The following IQCM variants were observed in gnomAD, a reference collection of about 807,000 sequenced individuals.
IQCM encodes the protein IQ motif containing M, also known as IQ domain-containing protein M.
A neutral mutation model predicts 57.6 loss-of-function variants in IQCM; 45 were observed. The observed-to-expected ratio is 0.78, with a 90% CI of 0.62 to 1.00. IQCM has a LOEUF of 1.00. Ranked by LOEUF, IQCM falls within the 50% of genes least tolerant of loss-of-function variation. The pLI is 0.00. For synonymous variants in IQCM, 148 were observed against 158.9 expected, an observed-to-expected ratio of 0.93 and a Z score of 0.51; for missense variants, 468 against 511.6, an observed-to-expected ratio of 0.91 and a Z score of 0.82.
intron 13 of IQCM, among the ~76,000 whole-genome samples, chr4:149,418,180 A>C (rs970955881): frequency 4.6e-5 from 7 of 151,590 alleles, no homozygotes; most frequent in Non-Finnish European, 8.8e-5. Flanking sequence ...TTTTTTTTTT[A>C]ATTAATAAAA....
chr4:149,660,152 C>T (rs1205899339), intron 7 of IQCM, among the ~76,000 whole-genome samples: 2 of 150,972 alleles, frequency 1.3e-5, no homozygotes, highest in Non-Finnish European at 3.0e-5. Flanking sequence ...ACAAACAACC[C>T]CATCAAAAAG....
At chr4:149,375,731 C>T (rs891858928) in intron 13 of IQCM, among the ~76,000 whole-genome samples, 1 of 151,992 alleles carries the variant, frequency 6.6e-6, no homozygotes, top group Non-Finnish European at 1.5e-5. Flanking sequence ...ATTCTTCCTC[C>T]CGGTTTATGT....
chr4:149,569,248 A>G (rs1750930639), intron 9 of IQCM, among the ~76,000 whole-genome samples: 1 of 152,212 alleles, frequency 6.6e-6, no homozygotes, highest in African/African-American at 2.4e-5. Context: ...TAACTGATGC[A>G]TATACTTAGG....
intron 5 of IQCM, among the ~76,000 whole-genome samples, chr4:149,715,470 G>A (rs984648813): frequency 6.6e-5 from 10 of 152,180 alleles, no homozygotes; most frequent in African/African-American, 1.9e-4. Flanking sequence ...GAGCCCCAAA[G>A]AGAGTGTCAC....
At chr4:149,444,928 A>G (rs1406350417) in intron 12 of IQCM, among the ~76,000 whole-genome samples, 1 of 151,946 alleles carries the variant, frequency 6.6e-6, no homozygotes, top group Non-Finnish European at 1.5e-5. Context: ...GACTACATTA[A>G]AACAAAGAAC....
At chr4:149,656,203 T>A (rs1561113641) in intron 7 of IQCM, among the ~76,000 whole-genome samples, 1 of 152,156 alleles carries the variant, frequency 6.6e-6, no homozygotes, top group Non-Finnish European at 1.5e-5. Context: ...ATGCTATCAT[T>A]ATATTAAAAA....
chr4:149,814,360 A>G lies in IQCM; in HGVS notation c.-49+951T>C, dbSNP rs74657750. Among the ~76,000 whole-genome samples the G allele has an allele frequency of 8.3e-3, 1,259 of 152,088 alleles. 24 individuals carry two copies. Among genetic ancestry groups the G allele is most frequent in the African/African-American group, 0.029 (1,198 of 41,552 alleles). ...TAACTTCCTCCCCTTGAAAACATATAATTAGTCATGCTACATTGGAATCAG... is the reference window on the plus strand; with the variant it reads ...TAACTTCCTCCCCTTGAAAACATATGATTAGTCATGCTACATTGGAATCAG... On this transcript the variant is annotated intron_variant, in intron 2 of 13. Transcript: ENST00000636793.
chr4:149,558,943 T>A (rs570904424), intron 10 of IQCM, among the ~76,000 whole-genome samples: 1 of 152,168 alleles, frequency 6.6e-6, no homozygotes, highest in Non-Finnish European at 1.5e-5. Context: ...GGACTCAGTG[T>A]TAAAACACAG....
At chr4:149,566,226 A>T (rs1750619759) in intron 9 of IQCM, among the ~76,000 whole-genome samples, 2 of 152,180 alleles carry the variant, frequency 1.3e-5, no homozygotes, top group African/African-American at 2.4e-5. Context: ...ATGAAATCTA[A>T]GAGATTCTGA....
At chr4:149,783,362 A>G (rs1385075498) in intron 2 of IQCM, among the ~76,000 whole-genome samples, 1 of 152,180 alleles carries the variant, frequency 6.6e-6, no homozygotes, top group Non-Finnish European at 1.5e-5. Flanking sequence ...CGCTCTCAAA[A>G]TTATATCTAG....
intron 12 of IQCM, among the ~76,000 whole-genome samples, chr4:149,543,317 T>C (rs1221836922): frequency 2.0e-5 from 3 of 152,096 alleles, no homozygotes; most frequent in Non-Finnish European, 1.5e-5. Flanking sequence ...ATTCAAACTA[T>C]ATGTGGAAAA....
chr4:149,425,206 T>G (rs556362112), intron 13 of IQCM, among the ~76,000 whole-genome samples: 1 of 152,036 alleles, frequency 6.6e-6, no homozygotes, highest in Non-Finnish European at 1.5e-5. Flanking sequence ...ACATTAATTA[T>G]ACAATTTTGT....
intron 2 of IQCM, among the ~76,000 whole-genome samples, chr4:149,812,903 T>G (rs567292927): frequency 2.6e-5 from 4 of 152,168 alleles, no homozygotes; most frequent in South Asian, 2.1e-4. Flanking sequence ...CATTTTACTT[T>G]GTTGTAATAG....
At chr4:149,810,553 G>A (rs1460729631) in intron 2 of IQCM, among the ~76,000 whole-genome samples, 5 of 151,644 alleles carry the variant, frequency 3.3e-5, no homozygotes, top group South Asian at 2.1e-4. Context: ...AGGTTCAAGC[G>A]ATTCTCCTGC....
rs868401122 is a variant in IQCM at position 149,676,059 on chromosome 4, T to C, written c.565+6059A>G. 6.6e-5 allele frequency among the ~76,000 whole-genome samples: 10 copies of C among 152,198 alleles called. 1 individual carries two copies. In the East Asian group the frequency reaches 1.7e-3, roughly 27 times the overall value. On this transcript the variant is annotated intron_variant, in intron 7 of 13. Transcript: ENST00000636793. Reference sequence around the variant, plus strand: ...CTCTTAACAAAAGAGTTTCTGTTTCTGCCATGGGTCTGTTTCCTTACAAAA... The same window carrying C: ...CTCTTAACAAAAGAGTTTCTGTTTCCGCCATGGGTCTGTTTCCTTACAAAA...
intron 12 of IQCM, among the ~76,000 whole-genome samples, chr4:149,450,438 T>C (rs1420450851): frequency 1.3e-5 from 2 of 151,598 alleles, no homozygotes; most frequent in African/African-American, 4.8e-5. Flanking sequence ...CATAGAATGG[T>C]AGAAAATATG....
chr4:149,453,523 C>A (rs918031438), intron 12 of IQCM, among the ~76,000 whole-genome samples: 8 of 151,602 alleles, frequency 5.3e-5, no homozygotes, highest in African/African-American at 1.9e-4. Flanking sequence ...TACAACTCAA[C>A]AATAAAAAAG....
chr4:149,440,960 G>T (rs926334045), intron 12 of IQCM, among the ~76,000 whole-genome samples: 13 of 151,914 alleles, frequency 8.6e-5, no homozygotes, highest in African/African-American at 3.1e-4. Context: ...TTTATAAATG[G>T]AATAATTTAT....
rs563395951 is a variant in IQCM, at chr4:149,363,202, T to C, written c.1391-11136A>G. 2.0e-4 allele frequency among the ~76,000 whole-genome samples: 30 copies of C among 152,240 alleles called. No homozygotes were observed. In the South Asian group the frequency reaches 5.4e-3, roughly 27 times the overall value. On this transcript the variant is annotated intron_variant, in intron 13 of 13. Coordinates refer to ENST00000636793, the MANE Select transcript of IQCM (RefSeq NM_001363507.2). ...GAGAGGGCCTTCTGCCTTCTGCAGG[T>C]TGACTTGACTCCTTGTGGAATCACC...
Sources: allele counts gnomAD v4.1 joint callset (sites outside exome capture counted in the v4.1 genomes callset), GRCh38; gene constraint gnomAD v4.1.1; transcripts MANE v1.5; gene names NCBI Gene and HGNC (gene_info 2026-07-23, HGNC 2026-07-21).